The following MAP2 variants were observed in gnomAD, a reference collection of about 807,000 sequenced individuals.
MAP2 encodes the protein microtubule associated protein 2, also known as microtubule-associated protein 2.
Under a neutral mutation model 137.6 loss-of-function variants are expected in MAP2, and 14 were observed. The ratio of observed to expected loss-of-function variants is 0.10; its 90% CI spans 0.07 to 0.16. The LOEUF (loss-of-function observed/expected upper bound fraction) is 0.16, where lower values mean the gene tolerates loss of function less well. Among genes scored for constraint, MAP2 ranks in the 10% least tolerant of loss-of-function variants. MAP2 has a pLI of 1.00. For missense variants in MAP2, 2,088 were observed against 2,191.5 expected, an observed-to-expected ratio of 0.95 and a Z score of 0.94; for synonymous variants, 786 against 782.3, an observed-to-expected ratio of 1.00 and a Z score of -0.08.
At chr2:209,491,085 A>C (rs2059054289) in intron 1 of MAP2, among the ~76,000 whole-genome samples, 1 of 151,998 alleles carries the variant, frequency 6.6e-6, no homozygotes, top group African/African-American at 2.4e-5. Flanking sequence ...AAGAACACAA[A>C]TCATAACAGT....
chr2:209,719,515 A>C lies in MAP2; in HGVS notation c.5074-6194A>C, dbSNP rs372106571. Among the ~76,000 whole-genome samples, 9 of 152,084 alleles carry C rather than the reference A, an allele frequency of 5.9e-5. No individual in the cohort carries two copies. In the East Asian group the frequency reaches 1.7e-3, roughly 29 times the overall value. On this transcript the variant is annotated intron_variant, in intron 13 of 15. Transcript: ENST00000682079. ...TTCATTTTACGTTTCTTAGTAAGAGAGATGTTTTTTTCTTGTCTGCAGGCA... is the reference window on the plus strand; with the variant it reads ...TTCATTTTACGTTTCTTAGTAAGAGCGATGTTTTTTTCTTGTCTGCAGGCA...
At chr2:209,588,640 T>C (rs2078404545) in intron 3 of MAP2, among the ~76,000 whole-genome samples, 1 of 152,194 alleles carries the variant, frequency 6.6e-6, no homozygotes, top group Non-Finnish European at 1.5e-5. Flanking sequence ...TTTTATATGA[T>C]TTTCTCATGG....
intron 2 of MAP2, among the ~76,000 whole-genome samples, chr2:209,540,490 G>A (rs1331384056): frequency 6.6e-6 from 1 of 150,400 alleles, no homozygotes; most frequent in Non-Finnish European, 1.5e-5. Context: ...AAATTGCCGA[G>A]CGTGGTGGCA....
chr2:209,446,612 C>G (rs1315320752), intron 1 of MAP2, among the ~76,000 whole-genome samples: 1 of 151,756 alleles, frequency 6.6e-6, no homozygotes, highest in Non-Finnish European at 1.5e-5. Context: ...ATGGTAATAC[C>G]AAAAGCATTT....
At chr2:209,662,496 A>T (rs1002223619) in intron 5 of MAP2, among the ~76,000 whole-genome samples, 1 of 152,156 alleles carries the variant, frequency 6.6e-6, no homozygotes, top group Non-Finnish European at 1.5e-5. Context: ...GTGCAAATAT[A>T]ATTTAATTAT....
chr2:209,461,069 A>T (rs1040386935), intron 1 of MAP2, among the ~76,000 whole-genome samples: 2 of 152,112 alleles, frequency 1.3e-5, no homozygotes, highest in Admixed American at 1.3e-4. Context: ...AACTTTGAAG[A>T]TATAAACTTG....
chr2:209,685,833 G>A (rs939363754), intron 7 of MAP2, among the ~76,000 whole-genome samples: 2 of 152,106 alleles, frequency 1.3e-5, no homozygotes, highest in African/African-American at 4.8e-5. Flanking sequence ...ACAAGAAAGA[G>A]GTGGCCAGAA....
At chr2:209,463,066 CAT>C (rs980160013) in intron 1 of MAP2, among the ~76,000 whole-genome samples, 1 of 152,032 alleles carries the variant, frequency 6.6e-6, no homozygotes, top group African/African-American at 2.4e-5. Flanking sequence ...TCAAGACACA[CAT>C]GAGTGTGTCT....
At chr2:209,563,482 C>A (rs2072663851) in intron 2 of MAP2, among the ~76,000 whole-genome samples, 1 of 151,956 alleles carries the variant, frequency 6.6e-6, no homozygotes, top group Non-Finnish European at 1.5e-5. Context: ...ACGAGAACAA[C>A]CCTCCTTCAG....
intron 1 of MAP2, among the ~76,000 whole-genome samples, chr2:209,498,944 G>A (rs959412351): frequency 1.3e-5 from 2 of 152,148 alleles, no homozygotes; most frequent in Non-Finnish European, 2.9e-5. Context: ...GTGTTTGGTG[G>A]GGTTTCATTA....
At chr2:209,654,257 A>G (rs1186722836) in intron 5 of MAP2, among the ~76,000 whole-genome samples, 1 of 152,222 alleles carries the variant, frequency 6.6e-6, no homozygotes, top group Non-Finnish European at 1.5e-5. Context: ...ACATTACACT[A>G]TATTCCTTTA....
intron 2 of MAP2, among the ~76,000 whole-genome samples, chr2:209,566,719 G>C (rs528153540): frequency 6.6e-6 from 1 of 151,638 alleles, no homozygotes; most frequent in South Asian, 2.1e-4. Context: ...TTGTTTTTTT[G>C]TTGTTGTTGT....
At chr2:209,698,570 A>G (rs1408338800) in intron 10 of MAP2, among the ~76,000 whole-genome samples, 1 of 152,128 alleles carries the variant, frequency 6.6e-6, no homozygotes, top group East Asian at 1.9e-4. Context: ...AGTATTTTGT[A>G]TTTGTGTTCT....
intron 2 of MAP2, among the ~76,000 whole-genome samples, chr2:209,521,052 T>C (rs762053198): frequency 5.9e-5 from 9 of 152,116 alleles, no homozygotes; most frequent in Non-Finnish European, 1.2e-4. Context: ...CCCCAAAGTA[T>C]GGTTTAGAGC....
At chr2:209,563,617 GT>G (rs2072706816) in intron 2 of MAP2, among the ~76,000 whole-genome samples, 2 of 152,234 alleles carry the variant, frequency 1.3e-5, no homozygotes, top group South Asian at 4.2e-4. Context: ...AAGCAACAGT[GT>G]GGCTGGAATT....
intron 2 of MAP2, among the ~76,000 whole-genome samples, chr2:209,565,509 TA>T (rs1215607963): frequency 6.6e-6 from 1 of 152,140 alleles, no homozygotes; most frequent in Non-Finnish European, 1.5e-5. Flanking sequence ...CATTAGCCAC[TA>T]TTCCCAGACC....
intron 1 of MAP2, among the ~76,000 whole-genome samples, chr2:209,442,151 A>G (rs1697951459): frequency 6.6e-6 from 1 of 151,644 alleles, no homozygotes; most frequent in African/African-American, 2.4e-5. Context: ...AGGGCTACAT[A>G]CATAGAGTAT....
intron 2 of MAP2, among the ~76,000 whole-genome samples, chr2:209,564,139 C>T (rs1393124737): frequency 2.6e-5 from 4 of 151,908 alleles, no homozygotes; most frequent in Non-Finnish European, 4.4e-5. Context: ...AGGGATAATA[C>T]GAAAAGGAAA....
Position 209,696,099 on chromosome 2 carries a change from G to A in MAP2, c.3929G>A (p.Arg1310His), listed in dbSNP as rs1170987041. The A allele has an allele frequency of 9.3e-6, 15 of 1,613,796 alleles. No individual in the cohort carries two copies. Among genetic ancestry groups the A allele is most frequent in the Admixed American group, 3.3e-5 (2 of 59,970 alleles). ...DEGESGSHSVRFAALEQPEVE... is the reference protein window; with the variant it reads ...DEGESGSHSVHFAALEQPEVE... ...GGGGAGTCAGGGTCCCACAGCGTGCGTTTTGCAGCCCTAGAGCAGCCTGAG... is the reference window on the plus strand; with the variant it reads ...GGGGAGTCAGGGTCCCACAGCGTGCATTTTGCAGCCCTAGAGCAGCCTGAG... Residue 1310 changes from arginine (R) to histidine (H), a missense_variant, in exon 8 of 16, where the codon CGT (arginine) becomes CAT (histidine). By Grantham distance (29) the Arg-to-His change is conservative (BLOSUM62 0). Around this residue, in one of 6 missense-constraint regions of MAP2, gnomAD observed 591 missense variants for 642.6 expected, o/e 0.92. Coordinates refer to ENST00000682079, the MANE Select transcript of MAP2 (RefSeq NM_001375505.1).
Sources: allele counts gnomAD v4.1 joint callset (sites outside exome capture counted in the v4.1 genomes callset), GRCh38; gene constraint gnomAD v4.1.1; regional missense constraint gnomAD v4.1.1; transcripts MANE v1.5; gene names NCBI Gene and HGNC (gene_info 2026-07-23, HGNC 2026-07-21).